The following ECSIT variants were observed in gnomAD, a reference collection of about 807,000 sequenced individuals.
The protein encoded by ECSIT is ECSIT signaling integrator.
Under a neutral mutation model 36.8 loss-of-function variants are expected in ECSIT, and 29 were observed. The observed-to-expected ratio is 0.79, with a 90% confidence interval of 0.59 to 1.08. The LOEUF is 1.08. Ranked by LOEUF, ECSIT falls within the 50% of genes least tolerant of loss-of-function variation. The pLI, the probability that ECSIT is intolerant of heterozygous loss-of-function variation, is 0.00. For missense variants in ECSIT, 542 were observed against 581.0 expected, an observed-to-expected ratio of 0.93 and a Z score of 0.69; for synonymous variants, 231 against 234.8, an observed-to-expected ratio of 0.98 and a Z score of 0.15.
At chr19:11,508,383 A>ATTTTTTTTTTTTTTTTTTTTTTTTTT (rs34929827) in intron 4 of ECSIT, among the ~76,000 whole-genome samples, 14 of 124,042 alleles carry the variant, frequency 1.1e-4, no homozygotes, top group South Asian at 2.5e-4. Flanking sequence ...CTTAATTCCG[A>ATTTTTTTTTTTTTTTTTTTTTTTTTT]TTTTTTTTTT....
At chr19:11,514,344 T>C in intron 2 of ECSIT, 123 bp from the exon 3 acceptor site, 1 of 944,158 alleles carries the variant, frequency 1.1e-6, no homozygotes, top group Non-Finnish European at 1.5e-6. Context: ...TATGGAACTG[T>C]GGTTACAAAC....
chr19:11,515,203 A>T (rs1350813665), intron 2 of ECSIT, among the ~76,000 whole-genome samples: 1 of 148,910 alleles, frequency 6.7e-6, no homozygotes, highest in Non-Finnish European at 1.5e-5. Context: ...TCCCGGGTTC[A>T]CGCCATTCTC....
chr19:11,522,308 G>A, intron 1 of ECSIT: 1 of 665,936 alleles, frequency 1.5e-6, no homozygotes. Context: ...CGAGACATGG[G>A]CGCCCGGTAC....
chr19:11,513,790 C>G lies in ECSIT; in HGVS notation c.514+14G>C. 1 of 1,613,590 alleles carries G rather than the reference C, an allele frequency of 6.2e-7. No homozygotes were observed. Among genetic ancestry groups the G allele is most frequent in the Non-Finnish European group, 8.5e-7 (1 of 1,179,930 alleles). ...TAGCCCACTCCCCACCCTGCGCCAGCCTCCTGGCCTCACCGTGGTTCTCCA... is the reference window on the plus strand; with the variant it reads ...TAGCCCACTCCCCACCCTGCGCCAGGCTCCTGGCCTCACCGTGGTTCTCCA... On this transcript the variant is annotated intron_variant, in intron 3 of 7. Transcript: ENST00000270517.
chr19:11,507,987 T>G lies in ECSIT; in HGVS notation c.796+4A>C. 1 of 1,614,012 alleles carries G rather than the reference T, an allele frequency of 6.2e-7. No individual in the cohort carries two copies. Among genetic ancestry groups the G allele is most frequent in the Non-Finnish European group, 8.5e-7 (1 of 1,179,968 alleles). On this transcript the variant is annotated splice_donor_region_variant and intron_variant, in intron 5 of 7. Transcript: ENST00000270517. ...CTTGGCTGCCCCCATGCTCTCGGAC[T>G]TACCTACGATGTGGGGCTGGGGGGG... is the stretch of plus-strand genomic sequence containing the variant.
rs147329083 is a variant in ECSIT, at chr19:11,514,095, G to A, written c.223C>T (p.Leu75=). 645 of 1,614,148 alleles carry A rather than the reference G, an allele frequency of 4.0e-4. No homozygotes were observed. The highest frequency in any genetic ancestry group is 1.6e-3 in the South Asian group (143 of 91,090). Residue 75 remains leucine (L), a synonymous_variant, in exon 3 of 8, where the codon CTG becomes TTG. Transcript: ENST00000270517. The part of the protein sequence containing the change: ...PTKALVPFED[L]FGQAPGGERD... ...TCCCCACCAGGCGCCTGCCCAAACA[G>A]GTCCTCAAAGGGCACCAGAGCCTTG...
intron 1 of ECSIT, among the ~76,000 whole-genome samples, chr19:11,522,989 T>A (rs992093358): frequency 6.6e-6 from 1 of 151,774 alleles, no homozygotes; most frequent in Non-Finnish European, 1.5e-5. Context: ...GAGAATGGTG[T>A]GAACCCGGGA....
intron 7 of ECSIT, 56 bp downstream of exon 7, chr19:11,507,401 G>C: frequency 7.0e-7 from 1 of 1,430,578 alleles, no homozygotes; most frequent in Non-Finnish European, 9.9e-7. Context: ...TCAGCCTGTA[G>C]GAGGGCTGGG....
chr19:11,513,318 G>A (rs754268595), intron 3 of ECSIT, 39 bp from the exon 4 acceptor site: 13 of 1,531,966 alleles, frequency 8.5e-6, no homozygotes, highest in South Asian at 6.7e-5. Context: ...CAGAGATGGA[G>A]GGGGAGGAGG....
At position 11,507,791 on chromosome 19, in the gene ECSIT, A is replaced by G. The variant is rs1971783711; in HGVS notation, c.856T>C (p.Phe286Leu). ...LARHNPARPV[F>L]VEGPFSLWLR... ...CACAGGGAGAAGGGGCCCTCAACAA[A>G]GACAGGCCGGGCTGGATTGTGGCGG... Residue 286 changes from phenylalanine to leucine, a missense_variant, in exon 6 of 8, where the codon TTT (phenylalanine) becomes CTT (leucine). Physicochemically the swap from Phe to Leu is conservative, Grantham distance 22. Transcript: ENST00000270517. 1 of 1,614,098 alleles carries G rather than the reference A, an allele frequency of 6.2e-7. No homozygotes were observed. The highest frequency in any genetic ancestry group is 8.5e-7 in the Non-Finnish European group (1 of 1,180,016).
At chr19:11,506,706 T>G (rs1971751077) in intron 7 of ECSIT, among the ~76,000 whole-genome samples, 1 of 152,058 alleles carries the variant, frequency 6.6e-6, no homozygotes, top group African/African-American at 2.4e-5. Context: ...GGCTAATTTT[T>G]AAATTTTTAG....
In ECSIT at chr19:11,505,986, G is replaced by A. The variant is rs1971725135; in HGVS notation, c.*198C>T. The stretch of plus-strand genomic sequence containing the variant: ...TATTTGAATTCGGAGAACCAGAGGC[G>A]CCTGCAGATTCTGGAGGGGTCTCGC... On this transcript the variant is annotated 3_prime_UTR_variant, in exon 8 of 8. Transcript: ENST00000270517. The A allele has an allele frequency of 4.0e-6, 4 of 993,408 alleles. No homozygotes were observed. The highest frequency in any genetic ancestry group is 3.3e-5 in the South Asian group (2 of 60,550). 61.5% of individuals were successfully genotyped at this position (993,408 alleles called of 1,614,324 possible).
At chr19:11,510,153 G>GT (rs1230326223) in intron 4 of ECSIT, among the ~76,000 whole-genome samples, 1 of 148,164 alleles carries the variant, frequency 6.7e-6, no homozygotes, top group Non-Finnish European at 1.5e-5. Context: ...GATTACAGGC[G>GT]TAAGCCACCA....
At chr19:11,526,087 C>G (rs1972210762) in intron 1 of ECSIT, among the ~76,000 whole-genome samples, 1 of 151,968 alleles carries the variant, frequency 6.6e-6, no homozygotes, top group South Asian at 2.1e-4. Context: ...GCCTCAGCCT[C>G]CCGAGTAGCT....
rs1308171934 is a variant in ECSIT, at chr19:11,514,236, G to A, written c.97-15C>T. 6.3e-7 allele frequency: 1 copy of A among 1,587,146 alleles called. No individual in the cohort carries two copies. The highest frequency in any genetic ancestry group is 8.6e-7 in the Non-Finnish European group (1 of 1,168,506). Reference sequence around the variant, plus strand: ...CGGCGAGGGACCTGGGGAGGGAGGAGAACTGCTGGAATCTGGCACCTCTCA... The same window carrying A: ...CGGCGAGGGACCTGGGGAGGGAGGAAAACTGCTGGAATCTGGCACCTCTCA... On this transcript the variant is annotated splice_polypyrimidine_tract_variant and intron_variant, in intron 2 of 7. Transcript: ENST00000270517.
At chr19:11,512,041 C>T (rs932416559) in intron 4 of ECSIT, among the ~76,000 whole-genome samples, 1 of 148,944 alleles carries the variant, frequency 6.7e-6, no homozygotes, top group Non-Finnish European at 1.5e-5. Flanking sequence ...AAAAAAAAAA[C>T]AAACAAACAA....
intron 1 of ECSIT, chr19:11,522,529 G>A (rs1442590609): frequency 7.4e-6 from 6 of 809,342 alleles, no homozygotes; most frequent in Non-Finnish European, 1.0e-5. Context: ...TGTGCCCCAC[G>A]TAAACTCAGG....
At chr19:11,523,345 T>C (rs925515662) in intron 1 of ECSIT, 5 of 348,832 alleles carry the variant, frequency 1.4e-5, no homozygotes, top group Admixed American at 9.0e-5. Context: ...TTAAAAAATA[T>C]GTTAATCACC....
At chr19:11,506,528 CCTTT>C (rs1181426618) in intron 7 of ECSIT, 100 bp from the exon 8 acceptor site, 23 of 1,004,580 alleles carry the variant, frequency 2.3e-5, no homozygotes, top group Non-Finnish European at 3.0e-5. Context: ...CCTTCCACTT[CCTTT>C]TTTTTTTTTT....
Sources: allele counts gnomAD v4.1 joint callset (sites outside exome capture counted in the v4.1 genomes callset), GRCh38; gene constraint gnomAD v4.1.1; transcripts MANE v1.5; gene names NCBI Gene and HGNC (gene_info 2026-07-23, HGNC 2026-07-21).